PLA2G2E: variants seen among roughly 807,000 people sequenced by gnomAD.
PLA2G2E encodes the protein phospholipase A2 group IIE.
A neutral mutation model predicts 16.5 loss-of-function variants in PLA2G2E; 14 were observed. The ratio of observed to expected loss-of-function variants is 0.85; its 90% CI spans 0.56 to 1.33. PLA2G2E has a LOEUF of 1.33. PLA2G2E is among the 40% of genes most tolerant of loss of function. PLA2G2E has a pLI of 0.00. For missense variants in PLA2G2E, 174 were observed against 190.7 expected, an observed-to-expected ratio of 0.91 and a Z score of 0.52; for synonymous variants, 72 against 77.2, an observed-to-expected ratio of 0.93 and a Z score of 0.36.
At position 19,922,336 on chromosome 1, in the gene PLA2G2E, T is replaced by G. The variant is rs763808244; in HGVS notation, c.248A>C (p.Lys83Thr). The change falls in exon 3 of 4, where the codon AAG (lysine) becomes ACG (threonine). Residue 83 changes from lysine (K) to threonine (T), a missense_variant. Coordinates refer to ENST00000375116, the MANE Select transcript of PLA2G2E (RefSeq NM_014589.3). ...EKLGCEPKLE[K>T]YLFSVSERGI... is the part of the protein sequence containing the mutation. Reference sequence around the variant, plus strand: ...ACGTTCGCTGACAGAGAAAAGATACTTTTCCAGTTTGGGCTCACAGCCCAG... The same window carrying G: ...ACGTTCGCTGACAGAGAAAAGATACGTTTCCAGTTTGGGCTCACAGCCCAG... 1 of 1,614,048 alleles carries G rather than the reference T, an allele frequency of 6.2e-7. No homozygotes were observed. The highest frequency in any genetic ancestry group is 8.5e-7 in the Non-Finnish European group (1 of 1,179,926).
chr1:19,922,226 G>T, intron 3 of PLA2G2E, 72 bp downstream of exon 3: 1 of 1,044,530 alleles, frequency 9.6e-7, no homozygotes, highest in Non-Finnish European at 1.5e-6. Context: ...ATCAGGAGGG[G>T]CTTCCTGTCT....
intron 3 of PLA2G2E, 138 bp downstream of exon 3, chr1:19,922,160 C>T (rs576226850): frequency 3.7e-5 from 23 of 630,064 alleles, no homozygotes; most frequent in South Asian, 3.5e-4. Flanking sequence ...TACGTGGTAA[C>T]GGGAAACCCC....
At chr1:19,921,197 C>T (rs888678406) in intron 3 of PLA2G2E, among the ~76,000 whole-genome samples, 1 of 152,212 alleles carries the variant, frequency 6.6e-6, no homozygotes, top group East Asian at 1.9e-4. Flanking sequence ...TGAAGTTGAG[C>T]CTTCGTCTCC....
In PLA2G2E at chr1:19,920,177, C is replaced by G; in HGVS notation, c.*130G>C. 1 of 759,604 alleles carries G rather than the reference C, an allele frequency of 1.3e-6. No individual in the cohort carries two copies. The highest frequency in any genetic ancestry group is 2.1e-6 in the Non-Finnish European group (1 of 468,798). The allele number at this position is 759,604 out of a possible 1,614,324, so 47.1% of individuals were successfully genotyped here. ...GGTCCAGGACATATCTCTGAGCTCT[C>G]AAGGAGGGATGAGTTTGCAGGAAAG... On this transcript the variant is annotated 3_prime_UTR_variant, in exon 4 of 4. Coordinates refer to ENST00000375116, the MANE Select transcript of PLA2G2E (RefSeq NM_014589.3). This position sits in a 1 kb window ranked among gnomAD's most constrained non-coding sequence, Gnocchi z 4.3.
chr1:19,922,526 C>A, intron 2 of PLA2G2E, 91 bp downstream of exon 2: 2 of 1,557,862 alleles, frequency 1.3e-6, no homozygotes, highest in Non-Finnish European at 8.8e-7. Flanking sequence ...TTTCCAGGTG[C>A]CCCCAGGCTT....
At chr1:19,922,888 A>G in intron 1 of PLA2G2E, 133 bp from the exon 2 acceptor site, 3 of 886,112 alleles carry the variant, frequency 3.4e-6, no homozygotes, top group Non-Finnish European at 5.1e-6. Context: ...AAAGCAACCC[A>G]CTCTCAACAA....
chr1:19,920,205 A>C lies in PLA2G2E; in HGVS notation c.*102T>G. 9.8e-7 allele frequency: 1 copy of C among 1,023,994 alleles called. No individual in the cohort carries two copies. The highest frequency in any genetic ancestry group is 1.4e-6 in the Non-Finnish European group (1 of 700,346). 63.4% of individuals were successfully genotyped at this position (1,023,994 alleles called of 1,614,324 possible). A position where few individuals can be genotyped will look rare whatever the true frequency, so the allele number is the denominator to read the frequency against. On this transcript the variant is annotated 3_prime_UTR_variant, in exon 4 of 4. Transcript: ENST00000375116. The surrounding 1 kb of genome is among the most constrained non-coding windows in gnomAD (Gnocchi z 4.3). ...GGAGGGATGAGTTTGCAGGAAAGGA[A>C]TTTTCCAAAGGGAGGGCCTTTGGTG...
At position 19,920,204 on chromosome 1, in the gene PLA2G2E, A is replaced by G; in HGVS notation, c.*103T>C. ...AGGAGGGATGAGTTTGCAGGAAAGG[A>G]ATTTTCCAAAGGGAGGGCCTTTGGT... On this transcript the variant is annotated 3_prime_UTR_variant, in exon 4 of 4. Coordinates refer to ENST00000375116, the MANE Select transcript of PLA2G2E (RefSeq NM_014589.3). The surrounding 1 kb of genome is among the most constrained non-coding windows in gnomAD (Gnocchi z 4.3). 1.0e-6 allele frequency: 1 copy of G among 997,196 alleles called. No homozygotes were observed. 61.8% of individuals were successfully genotyped at this position (997,196 alleles called of 1,614,324 possible). A position where few individuals can be genotyped will look rare whatever the true frequency, so the allele number is the denominator to read the frequency against.
intron 2 of PLA2G2E, 64 bp downstream of exon 2, chr1:19,922,553 A>C: frequency 6.3e-7 from 1 of 1,593,206 alleles, no homozygotes; most frequent in Non-Finnish European, 8.6e-7. Context: ...TTCTCCCAGG[A>C]TCCTCCCAGG....
chr1:19,920,165 T>C lies in PLA2G2E; in HGVS notation c.*142A>G. 1.4e-6 allele frequency: 1 copy of C among 700,056 alleles called. No individual in the cohort carries two copies. Among genetic ancestry groups the C allele is most frequent in the Non-Finnish European group, 2.4e-6 (1 of 420,420 alleles). 43.4% of individuals were successfully genotyped at this position (700,056 alleles called of 1,614,324 possible). A position where few individuals can be genotyped will look rare whatever the true frequency, so the allele number is the denominator to read the frequency against. ...GAGGCTAGTGATGGTCCAGGACATA[T>C]CTCTGAGCTCTCAAGGAGGGATGAG... On this transcript the variant is annotated 3_prime_UTR_variant, in exon 4 of 4. Coordinates refer to ENST00000375116, the MANE Select transcript of PLA2G2E (RefSeq NM_014589.3). The surrounding 1 kb of genome is among the most constrained non-coding windows in gnomAD (Gnocchi z 4.3).
In PLA2G2E at chr1:19,922,319, T is replaced by C. The variant is rs1238105554; in HGVS notation, c.265A>G (p.Ser89Gly). The change falls in exon 3 of 4, where the codon AGC (serine) becomes GGC (glycine). Residue 89 changes from serine (S) to glycine (G), a missense_variant. Transcript: ENST00000375116. ...CTACCGCAGAAAATGCCACGTTCGC[T>C]GACAGAGAAAAGATACTTTTCCAGT... ...PKLEKYLFSV[S>G]ERGIFCAGRT... 3.1e-6 allele frequency: 5 copies of C among 1,613,828 alleles called. No individual in the cohort carries two copies. The East Asian group carries it at 1.1e-4, about 36-fold the overall frequency.
intron 1 of PLA2G2E, 47 bp downstream of exon 1, chr1:19,923,473 G>T: frequency 6.6e-7 from 1 of 1,507,076 alleles, no homozygotes; most frequent in South Asian, 1.2e-5. Context: ...AGGGAGCTTG[G>T]GGTTGCCAGA....
chr1:19,922,502 A>G, intron 2 of PLA2G2E, 98 bp from the exon 3 acceptor site: 2 of 1,545,030 alleles, frequency 1.3e-6, no homozygotes, highest in South Asian at 2.3e-5. Context: ...CCCAGAGGAG[A>G]GATCAGCCTG....
chr1:19,922,805 C>T (rs1207986778), intron 1 of PLA2G2E, 50 bp from the exon 2 acceptor site: 2 of 1,601,210 alleles, frequency 1.2e-6, no homozygotes, highest in South Asian at 2.2e-5. Flanking sequence ...CCCTCTGCAG[C>T]CAACTTCCCC....
At chr1:19,922,893 C>CA in intron 1 of PLA2G2E, 138 bp from the exon 2 acceptor site, 1 of 864,070 alleles carries the variant, frequency 1.2e-6, no homozygotes, top group Non-Finnish European at 1.8e-6. Context: ...AACCCACTCT[C>CA]AACAACAACC....
intron 3 of PLA2G2E, 69 bp downstream of exon 3, chr1:19,922,229 T>A: frequency 9.2e-7 from 1 of 1,090,420 alleles, no homozygotes; most frequent in Non-Finnish European, 1.4e-6. Flanking sequence ...AGGAGGGGCT[T>A]CCTGTCTTAA....
intron 1 of PLA2G2E, among the ~76,000 whole-genome samples, chr1:19,922,979 C>T (rs950731666): frequency 6.6e-5 from 10 of 152,096 alleles, no homozygotes; most frequent in South Asian, 2.1e-4. Context: ...AGTGTGTCAG[C>T]GCCCCCAGTG....
intron 1 of PLA2G2E, 54 bp from the exon 2 acceptor site, chr1:19,922,809 C>T: frequency 1.3e-6 from 2 of 1,599,120 alleles, no homozygotes; most frequent in Non-Finnish European, 1.7e-6. Context: ...CTGCAGCCAA[C>T]TTCCCCTGAT....
rs761286861 is a variant in PLA2G2E, at chr1:19,920,354, C to A, written c.382G>T (p.Ala128Ser). ...RNLGTYNRKYAHYPNKLCTGP... is the reference protein window; with the variant it reads ...RNLGTYNRKYSHYPNKLCTGP... ...GTGCACAGCTTGTTGGGATAATGGG[C>A]ATATTTGCGGTTGTAGGTGCCCAGG... The change falls in exon 4 of 4, where the codon GCC becomes TCC. Residue 128 changes from alanine to serine, a missense_variant. Transcript: ENST00000375116. This position sits in a 1 kb window ranked among gnomAD's most constrained non-coding sequence, Gnocchi z 4.3. 6.2e-7 allele frequency: 1 copy of A among 1,613,680 alleles called. No individual in the cohort carries two copies. The highest frequency in any genetic ancestry group is 8.5e-7 in the Non-Finnish European group (1 of 1,179,860).
Sources: gnomAD v4.1 joint callset for allele counts (sites outside exome capture counted in the v4.1 genomes callset) on GRCh38, gnomAD v4.1.1 for gene constraint, Gnocchi (gnomAD v3.1) non-coding constraint, MANE v1.5 for transcripts, NCBI Gene and HGNC (gene_info 2026-07-23, HGNC 2026-07-21) for gene names.